The following CNTNAP5 variants were observed in gnomAD, a reference collection of about 807,000 sequenced individuals.
CNTNAP5 encodes contactin-associated protein-like 5.
A neutral mutation model predicts 150.2 loss-of-function variants in CNTNAP5; 72 were observed. The ratio of observed to expected loss-of-function variants is 0.48; its 90% confidence interval spans 0.40 to 0.58. CNTNAP5 has a LOEUF of 0.58. Among genes scored for constraint, CNTNAP5 ranks in the 20% least tolerant of loss-of-function variants. The probability of loss-of-function intolerance (pLI) is 0.00; values close to 1 mark genes in which losing one functional copy is unlikely to be tolerated. For missense variants in CNTNAP5, 1,636 were observed against 1,626.2 expected (o/e 1.01, Z -0.10); for synonymous variants, 672 against 619.8 (o/e 1.08, Z -1.25).
At chr2:124,693,624 C>A (rs549954594) in intron 13 of CNTNAP5, among the ~76,000 whole-genome samples, 3 of 152,000 alleles carry the variant, frequency 2.0e-5, no homozygotes, top group Non-Finnish European at 2.9e-5. Flanking sequence ...CTGTTCCTGA[C>A]GCCCCTGTGG....
intron 1 of CNTNAP5, among the ~76,000 whole-genome samples, chr2:124,061,874 C>A (rs1682018529): frequency 6.6e-6 from 1 of 152,136 alleles, no homozygotes; most frequent in Non-Finnish European, 1.5e-5. Context: ...GGAGGGAATG[C>A]AATAATTCAA....
At chr2:124,719,449 C>T (rs916410002) in intron 13 of CNTNAP5, among the ~76,000 whole-genome samples, 9 of 152,142 alleles carry the variant, frequency 5.9e-5, no homozygotes, top group Non-Finnish European at 1.3e-4. Context: ...TAAAGAACAG[C>T]TGAACCGAGT....
chr2:124,102,451 T>TCTGCC (rs2104697851), intron 1 of CNTNAP5, among the ~76,000 whole-genome samples: 1 of 152,330 alleles, frequency 6.6e-6, no homozygotes, highest in African/African-American at 2.4e-5. Context: ...TTCATCCCAC[T>TCTGCC]CTGCCCATTC....
chr2:124,834,075 C>A (rs142986665), intron 19 of CNTNAP5, among the ~76,000 whole-genome samples: 3 of 152,262 alleles, frequency 2.0e-5, no homozygotes, highest in South Asian at 2.1e-4. Context: ...ACATTCCAGG[C>A]ACCATGTATA....
At chr2:124,050,826 C>T (rs1681676722) in intron 1 of CNTNAP5, among the ~76,000 whole-genome samples, 1 of 152,226 alleles carries the variant, frequency 6.6e-6, no homozygotes, top group Non-Finnish European at 1.5e-5. Context: ...TTGCACTTTG[C>T]ATACTCTGCT....
chr2:124,152,925 T>G (rs1026197300), intron 1 of CNTNAP5, among the ~76,000 whole-genome samples: 5 of 152,160 alleles, frequency 3.3e-5, no homozygotes, highest in Non-Finnish European at 5.9e-5. Context: ...AATGTTGGTT[T>G]CTATAGAAAC....
chr2:124,735,805 G>C (rs555359822), intron 13 of CNTNAP5, among the ~76,000 whole-genome samples: 208 of 152,300 alleles, frequency 1.4e-3, no homozygotes, highest in South Asian at 0.011. Flanking sequence ...AGATGAGAAT[G>C]AGTATCTTCA....
chr2:124,376,820 A>G (rs1027659714), intron 3 of CNTNAP5, among the ~76,000 whole-genome samples: 1 of 152,050 alleles, frequency 6.6e-6, no homozygotes, highest in Non-Finnish European at 1.5e-5. Context: ...TAAGCTTAAG[A>G]AAGTAATGAG....
chr2:124,108,266 C>G (rs999847821), intron 1 of CNTNAP5, among the ~76,000 whole-genome samples: 1 of 152,174 alleles, frequency 6.6e-6, no homozygotes, highest in Non-Finnish European at 1.5e-5. Context: ...TAAACATTAT[C>G]TGTTGACTTC....
intron 1 of CNTNAP5, among the ~76,000 whole-genome samples, chr2:124,139,770 A>T (rs2104614579): frequency 6.6e-6 from 1 of 152,152 alleles, no homozygotes; most frequent in East Asian, 1.9e-4. Flanking sequence ...ATTTTAAAAT[A>T]TATTTGAGGA....
At chr2:124,271,791 C>G (rs1367249873) in intron 3 of CNTNAP5, among the ~76,000 whole-genome samples, 1 of 151,858 alleles carries the variant, frequency 6.6e-6, no homozygotes, top group East Asian at 1.9e-4. Flanking sequence ...CTCGGCTCAC[C>G]GCAACCTCCA....
chr2:124,579,145 G>A (rs1403112920), intron 11 of CNTNAP5, among the ~76,000 whole-genome samples: 1 of 152,110 alleles, frequency 6.6e-6, no homozygotes, highest in Non-Finnish European at 1.5e-5. Flanking sequence ...CATATGTAAT[G>A]GATCAAAAAT....
intron 7 of CNTNAP5, among the ~76,000 whole-genome samples, chr2:124,495,227 T>A (rs1219454358): frequency 6.6e-6 from 1 of 152,202 alleles, no homozygotes; most frequent in South Asian, 2.1e-4. Context: ...GACCCAGTTT[T>A]TTATTATTAT....
chr2:124,268,262 G>A (rs541689629), intron 3 of CNTNAP5, among the ~76,000 whole-genome samples: 1 of 152,170 alleles, frequency 6.6e-6, no homozygotes, highest in South Asian at 2.1e-4. Flanking sequence ...TGAGTTTGTT[G>A]TTGTGTTGTT....
intron 3 of CNTNAP5, among the ~76,000 whole-genome samples, chr2:124,384,957 C>A (rs2104741820): frequency 6.6e-6 from 1 of 152,250 alleles, no homozygotes; most frequent in East Asian, 1.9e-4. Context: ...GACAGAGATG[C>A]CATATGGACT....
At chr2:124,147,181 TAA>T (rs1288756064) in intron 1 of CNTNAP5, among the ~76,000 whole-genome samples, 1 of 152,200 alleles carries the variant, frequency 6.6e-6, no homozygotes, top group Non-Finnish European at 1.5e-5. Flanking sequence ...AGCATTTGAA[TAA>T]AGTCTTGAAG....
chr2:124,049,205 T>C (rs1681625644), intron 1 of CNTNAP5, among the ~76,000 whole-genome samples: 1 of 152,228 alleles, frequency 6.6e-6, no homozygotes, highest in South Asian at 2.1e-4. Context: ...TTTGTCCTTT[T>C]ATTCCCTTTG....
chr2:124,323,882 A>G (rs1479565649), intron 3 of CNTNAP5, among the ~76,000 whole-genome samples: 1 of 151,814 alleles, frequency 6.6e-6, no homozygotes, highest in Non-Finnish European at 1.5e-5. Flanking sequence ...GTGTGTGTGG[A>G]TGTGTTTTTG....
chr2:124,691,381 T>C (rs990820637), intron 13 of CNTNAP5, among the ~76,000 whole-genome samples: 2 of 152,158 alleles, frequency 1.3e-5, no homozygotes, highest in Admixed American at 1.3e-4. Flanking sequence ...GGGATTCTGA[T>C]TTCTATTGTC....
Sources: gnomAD v4.1 joint callset for allele counts (sites outside exome capture counted in the v4.1 genomes callset) on GRCh38, gnomAD v4.1.1 for gene constraint, MANE v1.5 for transcripts, NCBI Gene and HGNC (gene_info 2026-07-23, HGNC 2026-07-21) for gene names.